The following XYLT2 variants were observed in gnomAD, a reference collection of about 807,000 sequenced individuals.
XYLT2 encodes the protein UDP-D-xylose:proteoglycan core protein beta-D-xylosyltransferase.
A neutral mutation model predicts 82.6 loss-of-function variants in XYLT2; 37 were observed. The ratio of observed to expected loss-of-function variants is 0.45; its 90% confidence interval spans 0.34 to 0.59. The LOEUF (loss-of-function observed/expected upper bound fraction) is 0.59, where lower values mean the gene tolerates loss of function less well. XYLT2 is among the 20% of genes least tolerant of loss of function. The pLI is 0.01. For missense variants in XYLT2, 934 were observed against 1,181.3 expected (o/e 0.79, Z 3.07); for synonymous variants, 474 against 499.0 (o/e 0.95, Z 0.67).
intron 5 of XYLT2, 57 bp from the exon 6 acceptor site, chr17:50,355,722 GAA>G (rs1912492204): frequency 6.2e-7 from 1 of 1,600,392 alleles, no homozygotes; most frequent in South Asian, 1.1e-5. Flanking sequence ...CCAGGCGGGT[GAA>G]AGAGCTTAGA....
At chr17:50,348,586 G>A (rs532506180) in intron 1 of XYLT2, among the ~76,000 whole-genome samples, 6 of 152,166 alleles carry the variant, frequency 3.9e-5, no homozygotes, top group Non-Finnish European at 8.8e-5. Flanking sequence ...GGATGGTCAC[G>A]AACCTCCAGA....
intron 2 of XYLT2, 119 bp downstream of exon 2, chr17:50,354,241 A>C: frequency 1.3e-6 from 2 of 1,534,478 alleles, no homozygotes; most frequent in Non-Finnish European, 1.7e-6. Flanking sequence ...CTCCCTGCCT[A>C]AGTCTTCATC....
Position 50,356,682 on chromosome 17 carries a change from G to A in XYLT2, c.1654G>A (p.Asp552Asn). 1 of 1,613,282 alleles carries A rather than the reference G, an allele frequency of 6.2e-7. No homozygotes were observed. The highest frequency in any genetic ancestry group is 1.1e-5 in the South Asian group (1 of 91,084). Reference protein sequence around the residue: ...DAADGPSGLSDVMLTAYTAFA... With the variant: ...DAADGPSGLSNVMLTAYTAFA... ...GGCTGATGGCCCCAGTGGGCTCAGT[G>A]ATGTCATGCTCACTGCTTACACAGC... The change falls in exon 8 of 11, where the codon GAT (aspartate) becomes AAT (asparagine). Residue 552 changes from aspartate (D) to asparagine (N), a missense_variant. Coordinates refer to ENST00000017003, the MANE Select transcript of XYLT2 (RefSeq NM_022167.4).
Position 50,356,597 on chromosome 17 carries a change from T to C in XYLT2, c.1569T>C (p.Tyr523=), listed in dbSNP as rs4794136. The C allele has an allele frequency of 0.46, 741,163 of 1,613,914 alleles. 175,905 individuals are homozygous for C. Among genetic ancestry groups the C allele is most frequent in the Admixed American group, 0.59 (35,600 of 60,010 alleles). Reference sequence around the variant, plus strand: ...TGGAAATCCTGGACTTCCACCTGTATGGCAGCTACCCCCCCGGCACGCCAG... The same window carrying C: ...TGGAAATCCTGGACTTCCACCTGTACGGCAGCTACCCCCCCGGCACGCCAG... The part of the protein sequence containing the change: ...EVLEILDFHL[Y]GSYPPGTPAL... Residue 523 remains tyrosine (Y), a synonymous_variant, in exon 8 of 11, where the codon TAT becomes TAC. Transcript: ENST00000017003.
chr17:50,356,990 T>A, intron 8 of XYLT2, 67 bp from the exon 9 acceptor site: 3 of 1,522,374 alleles, frequency 2.0e-6, no homozygotes, highest in Non-Finnish European at 2.7e-6. Context: ...CAGAGCCCCC[T>A]CCCTGGGACT....
At chr17:50,348,550 A>G (rs1450495227) in intron 1 of XYLT2, among the ~76,000 whole-genome samples, 1 of 152,224 alleles carries the variant, frequency 6.6e-6, no homozygotes, top group East Asian at 1.9e-4. Flanking sequence ...CTGCCCATCT[A>G]TGGAGAGGCT....
rs781014261 is a variant in XYLT2, at chr17:50,358,275, C to A, written c.2010C>A (p.Asp670Glu). 9 of 1,612,270 alleles carry A rather than the reference C, an allele frequency of 5.6e-6. No homozygotes were observed. Among genetic ancestry groups the A allele is most frequent in the Non-Finnish European group, 7.6e-6 (9 of 1,179,438 alleles). ...TTGGGGGGTTACTGGGGCCGCTGGACGAGCCTGTGGCCGTGCAGCGCTGGG... is the reference window on the plus strand; with the variant it reads ...TTGGGGGGTTACTGGGGCCGCTGGAAGAGCCTGTGGCCGTGCAGCGCTGGG... ...RNFGGLLGPL[D>E]EPVAVQRWAR... The change falls in exon 10 of 11, where the codon GAC (aspartate) becomes GAA (glutamate). Residue 670 changes from aspartate (D) to glutamate (E), a missense_variant. Asp to Glu is a conservative substitution (Grantham distance 45). This residue lies in a region of XYLT2 where 374 missense variants were observed against 465.6 expected (regional missense o/e 0.80). Transcript: ENST00000017003.
Position 50,355,808 on chromosome 17 carries a change from G to C in XYLT2, c.1116G>C (p.Arg372=). 6.2e-7 allele frequency: 1 copy of C among 1,614,212 alleles called. No homozygotes were observed. Among genetic ancestry groups the C allele is most frequent in the Non-Finnish European group, 8.5e-7 (1 of 1,180,036 alleles). The change falls in exon 6 of 11, where the codon CGG becomes CGC. Residue 372 remains arginine (R), a synonymous_variant. Coordinates refer to ENST00000017003, the MANE Select transcript of XYLT2 (RefSeq NM_022167.4). ...TCATCAAGAAACAGGGCCTGGACCG[G>C]CTCTTCCATGAGTGCGACTCACACA... ...SRFIKKQGLD[R]LFHECDSHMW... is the part of the protein sequence containing the mutation.
rs574582235 is a variant in XYLT2 at position 50,360,176 on chromosome 17, T to C, written c.2483T>C (p.Ile828Thr). The change falls in exon 11 of 11, where the codon ATA (isoleucine) becomes ACA (threonine). Residue 828 changes from isoleucine to threonine, a missense_variant. Ile to Thr is a moderately conservative substitution (Grantham distance 89). Coordinates refer to ENST00000017003, the MANE Select transcript of XYLT2 (RefSeq NM_022167.4). ...SFWSVAGLCAIGPSPCPSLEP... is the reference protein window; with the variant it reads ...SFWSVAGLCATGPSPCPSLEP... Reference sequence around the variant, plus strand: ...TGGTCCGTGGCTGGACTGTGTGCCATAGGCCCCTCTCCCTGCCCCTCCCTG... The same window carrying C: ...TGGTCCGTGGCTGGACTGTGTGCCACAGGCCCCTCTCCCTGCCCCTCCCTG... 3 of 1,614,016 alleles carry C rather than the reference T, an allele frequency of 1.9e-6. No individual in the cohort carries two copies. The highest frequency in any genetic ancestry group is 2.7e-5 in the African/African-American group (2 of 75,060).
Position 50,356,597 on chromosome 17 carries a change from T to G in XYLT2, c.1569T>G (p.Tyr523Ter). The G allele has an allele frequency of 6.2e-7, 1 of 1,613,936 alleles. No homozygotes were observed. ...TGGAAATCCTGGACTTCCACCTGTA[T>G]GGCAGCTACCCCCCCGGCACGCCAG... ...EVLEILDFHL[Y>*]GSYPPGTPAL... is the part of the protein sequence containing the mutation. Residue 523 changes from tyrosine (Y) to a stop codon, truncating the protein, a stop_gained, in exon 8 of 11, where the codon TAT becomes TAG. Transcript: ENST00000017003. LOFTEE classifies it high-confidence loss of function.
Position 50,360,571 on chromosome 17 carries a change from C to CT in XYLT2, c.*299dup, listed in dbSNP as rs386386236. ...TGTCTAGTTTGAATTTCTTTTTTTT[C>CT]TTTTTTTTTTTTTTTTTTTAATTTA... On this transcript the variant is annotated 3_prime_UTR_variant, in exon 11 of 11. Coordinates refer to ENST00000017003, the MANE Select transcript of XYLT2 (RefSeq NM_022167.4). The CT allele has an allele frequency of 0.36, 328,614 of 909,302 alleles. 17,606 individuals are homozygous for CT. Among genetic ancestry groups the CT allele is most frequent in the East Asian group, 0.51 (6,179 of 12,174 alleles). The allele number at this position is 909,302 out of a possible 1,614,324, so 56.3% of individuals were successfully genotyped here. A position where few individuals can be genotyped will look rare whatever the true frequency, so the allele number is the denominator to read the frequency against.
chr17:50,356,969 A>ATGGGACTCCCCAGAGCCCCCTCCC (rs1912568714), intron 8 of XYLT2, 88 bp from the exon 9 acceptor site: 21 of 1,487,754 alleles, frequency 1.4e-5, no homozygotes, highest in Middle Eastern at 1.9e-4. Flanking sequence ...GTGCCTGGGG[A>ATGGGACTCCCCAGAGCCCCCTCCC]TGGGACTCCC....
chr17:50,351,906 G>A (rs2143202611), intron 1 of XYLT2, among the ~76,000 whole-genome samples: 1 of 152,322 alleles, frequency 6.6e-6, no homozygotes, highest in Non-Finnish European at 1.5e-5. Flanking sequence ...GAGACTGAAA[G>A]TCACTTAGGA....
intron 1 of XYLT2, 117 bp from the exon 2 acceptor site, chr17:50,353,513 T>C: frequency 6.2e-6 from 9 of 1,454,538 alleles, no homozygotes; most frequent in Non-Finnish European, 7.3e-6. Flanking sequence ...AGCGCTTCTC[T>C]GGGTAAAAGG....
chr17:50,353,346 AG>A (rs199912598), intron 1 of XYLT2, among the ~76,000 whole-genome samples: 412 of 152,292 alleles, frequency 2.7e-3, no homozygotes, highest in African/African-American at 9.4e-3. Context: ...GTGGTATCTG[AG>A]TCCAGAACAG....
chr17:50,359,446 T>G (rs1319669958), intron 10 of XYLT2: 2 of 153,228 alleles, frequency 1.3e-5, no homozygotes, highest in Non-Finnish European at 2.9e-5. Flanking sequence ...GGGGTGCTGG[T>G]GGGGCTGCAG....
rs1280519070 is a variant in XYLT2, at chr17:50,360,953, G to A, written c.*662G>A. The A allele has an allele frequency of 6.1e-6, 6 of 985,798 alleles. No homozygotes were observed. The highest frequency in any genetic ancestry group is 1.7e-5 in the African/African-American group (1 of 57,244). 61.1% of individuals were successfully genotyped at this position (985,798 alleles called of 1,614,324 possible). On this transcript the variant is annotated 3_prime_UTR_variant, in exon 11 of 11. Transcript: ENST00000017003. ...GCTCCAGGGCTTTCCAGCATACCCT[G>A]CCCCTGGATGGGAAAGGCAGGGTCA...
Position 50,360,427 on chromosome 17 carries a change from G to A in XYLT2, c.*136G>A, listed in dbSNP as rs1293219591. On this transcript the variant is annotated 3_prime_UTR_variant, in exon 11 of 11. Coordinates refer to ENST00000017003, the MANE Select transcript of XYLT2 (RefSeq NM_022167.4). ...TCAGCCATCAAGAACCCACACAGAC[G>A]GCAGGGAAGGTGGACACAGTATGAA... is the stretch of plus-strand genomic sequence containing the variant. 18 of 1,429,792 alleles carry A rather than the reference G, an allele frequency of 1.3e-5. No homozygotes were observed. Among genetic ancestry groups the A allele is most frequent in the East Asian group, 2.5e-5 (1 of 39,732 alleles). The allele number at this position is 1,429,792 out of a possible 1,614,324, so 88.6% of individuals were successfully genotyped here.
chr17:50,353,604 G>T, intron 1 of XYLT2, 26 bp from the exon 2 acceptor site: 1 of 1,549,644 alleles, frequency 6.5e-7, no homozygotes, highest in Non-Finnish European at 8.7e-7. Flanking sequence ...GTCTGCCCCA[G>T]TGATGTGTCT....
Sources: allele counts gnomAD v4.1 joint callset (sites outside exome capture counted in the v4.1 genomes callset), GRCh38; gene constraint gnomAD v4.1.1; regional missense constraint gnomAD v4.1.1; transcripts MANE v1.5; gene names NCBI Gene and HGNC (gene_info 2026-07-23, HGNC 2026-07-21).